The following LRRC4C variants were observed in gnomAD, a reference collection of about 807,000 sequenced individuals.
The protein encoded by LRRC4C is leucine-rich repeat-containing protein 4C.
A neutral mutation model predicts 33.6 loss-of-function variants in LRRC4C; 5 were observed. The observed-to-expected ratio is 0.15, with a 90% CI of 0.08 to 0.31. The LOEUF is 0.31. Ranked by LOEUF, LRRC4C falls within the 10% of genes least tolerant of loss-of-function variation. The pLI is 1.00. For missense variants in LRRC4C, 560 were observed against 796.7 expected, an observed-to-expected ratio of 0.70 and a Z score of 3.58; for synonymous variants, 329 against 302.0, an observed-to-expected ratio of 1.09 and a Z score of -0.93.
chr11:40,803,444 A>T (rs1316132819), intron 2 of LRRC4C, among the ~76,000 whole-genome samples: 3 of 152,108 alleles, frequency 2.0e-5, no homozygotes, highest in Non-Finnish European at 4.4e-5. Context: ...AAAACCCTTA[A>T]CTATTATCAA....
intron 2 of LRRC4C, among the ~76,000 whole-genome samples, chr11:40,928,178 T>A (rs1957473815): frequency 6.6e-6 from 1 of 151,828 alleles, no homozygotes. Flanking sequence ...TAGGAAGGAC[T>A]TTCAGATGAT....
intron 3 of LRRC4C, among the ~76,000 whole-genome samples, chr11:40,524,826 T>C (rs1288015828): frequency 1.3e-5 from 2 of 152,310 alleles, no homozygotes; most frequent in East Asian, 3.9e-4. Flanking sequence ...CCTACCCTTT[T>C]GGAGCTCGCA....
chr11:40,181,928 C>T (rs1386272949), intron 5 of LRRC4C, among the ~76,000 whole-genome samples: 1 of 152,128 alleles, frequency 6.6e-6, no homozygotes, highest in African/African-American at 2.4e-5. Flanking sequence ...TCTCACATCT[C>T]CAAGTGGTGG....
chr11:40,431,106 A>AAAT (rs1421509315), intron 3 of LRRC4C, among the ~76,000 whole-genome samples: 3 of 78,590 alleles, frequency 3.8e-5, no homozygotes, highest in Non-Finnish European at 7.8e-5. Flanking sequence ...ATAAAAAAAA[A>AAAT]AAAAAAAAAT....
chr11:40,664,667 G>C (rs1387242420), intron 2 of LRRC4C, among the ~76,000 whole-genome samples: 2 of 151,780 alleles, frequency 1.3e-5, no homozygotes, highest in African/African-American at 2.4e-5. Context: ...ACAAAATGTA[G>C]GCGTAATGAT....
intron 3 of LRRC4C, among the ~76,000 whole-genome samples, chr11:40,335,899 G>C (rs1245560760): frequency 6.6e-6 from 1 of 152,086 alleles, no homozygotes; most frequent in Non-Finnish European, 1.5e-5. Context: ...ATGACTTCAG[G>C]AATGTTTCTC....
intron 1 of LRRC4C, among the ~76,000 whole-genome samples, chr11:40,936,344 T>G (rs1318027441): frequency 1.4e-5 from 2 of 143,162 alleles, no homozygotes; most frequent in East Asian, 2.0e-4. Context: ...TTGTTTTTTT[T>G]TTTTTTTTTT....
intron 5 of LRRC4C, among the ~76,000 whole-genome samples, chr11:40,219,168 T>A (rs1333691339): frequency 2.6e-5 from 4 of 152,158 alleles, no homozygotes; most frequent in African/African-American, 7.2e-5. Flanking sequence ...GAAATTTAAA[T>A]TCATTGAAAC....
At chr11:40,969,365 T>C (rs975639990) in intron 1 of LRRC4C, among the ~76,000 whole-genome samples, 5 of 151,266 alleles carry the variant, frequency 3.3e-5, no homozygotes, top group African/African-American at 1.2e-4. Context: ...TGATAACAAA[T>C]AATTTATAAT....
chr11:40,758,491 G>C (rs1591641567), intron 2 of LRRC4C, among the ~76,000 whole-genome samples: 1 of 152,018 alleles, frequency 6.6e-6, no homozygotes, highest in Non-Finnish European at 1.5e-5. Flanking sequence ...AAGGGCCAAA[G>C]GAGCTCAAAG....
At chr11:41,199,341 C>A (rs1343927797) in intron 1 of LRRC4C, among the ~76,000 whole-genome samples, 1 of 151,964 alleles carries the variant, frequency 6.6e-6, no homozygotes, top group Non-Finnish European at 1.5e-5. Context: ...CCTCACACTA[C>A]AATATTCAAA....
At chr11:40,155,296 G>A (rs768638454) in intron 5 of LRRC4C, among the ~76,000 whole-genome samples, 3 of 151,578 alleles carry the variant, frequency 2.0e-5, no homozygotes, top group Non-Finnish European at 4.4e-5. Context: ...CACACCTCAA[G>A]AAACTAGAAA....
intron 2 of LRRC4C, among the ~76,000 whole-genome samples, chr11:40,902,447 C>T (rs1227408945): frequency 6.6e-6 from 1 of 152,034 alleles, no homozygotes; most frequent in Non-Finnish European, 1.5e-5. Flanking sequence ...AACGAATGAC[C>T]TTACAATAGC....
At chr11:40,769,269 G>T (rs146879040) in intron 2 of LRRC4C, among the ~76,000 whole-genome samples, 1 of 151,910 alleles carries the variant, frequency 6.6e-6, no homozygotes, top group South Asian at 2.1e-4. Context: ...ATAAACTGAT[G>T]CAAAGAAATG....
At chr11:41,081,546 G>A (rs747854148) in intron 1 of LRRC4C, among the ~76,000 whole-genome samples, 25 of 152,082 alleles carry the variant, frequency 1.6e-4, no homozygotes, top group African/African-American at 4.1e-4. Flanking sequence ...GGTCCCATAT[G>A]TTAAGAACAA....
intron 1 of LRRC4C, among the ~76,000 whole-genome samples, chr11:41,427,039 G>A (rs1462889421): frequency 2.0e-5 from 3 of 152,140 alleles, no homozygotes; most frequent in Non-Finnish European, 2.9e-5. Flanking sequence ...TAATTTCAGG[G>A]AGAAGGAAAA....
chr11:40,321,106 G>A (rs1294571248), intron 3 of LRRC4C, among the ~76,000 whole-genome samples: 1 of 152,176 alleles, frequency 6.6e-6, no homozygotes, highest in African/African-American at 2.4e-5. Flanking sequence ...TGATGTTAAA[G>A]AGAAGTTGAA....
intron 2 of LRRC4C, among the ~76,000 whole-genome samples, chr11:40,756,701 T>A (rs1426810725): frequency 6.6e-6 from 1 of 152,124 alleles, no homozygotes; most frequent in Admixed American, 6.6e-5. Flanking sequence ...CTGTTAACTT[T>A]GCTAATATTT....
chr11:40,919,511 C>T (rs957531317), intron 2 of LRRC4C, among the ~76,000 whole-genome samples: 1 of 152,116 alleles, frequency 6.6e-6, no homozygotes, highest in African/African-American at 2.4e-5. Context: ...AAACTGGTCT[C>T]TCAGCTATTC....
Sources: allele counts gnomAD v4.1 joint callset (sites outside exome capture counted in the v4.1 genomes callset), GRCh38; gene constraint gnomAD v4.1.1; transcripts MANE v1.5; gene names NCBI Gene and HGNC (gene_info 2026-07-23, HGNC 2026-07-21).